HBS1L: variants seen among roughly 807,000 people sequenced by gnomAD.
HBS1L encodes HBS1 like translational GTPase.
In HBS1L, 55 loss-of-function variants were observed where a neutral mutation model predicts 88.9. The ratio of observed to expected loss-of-function variants is 0.62; its 90% CI spans 0.50 to 0.77. The LOEUF (loss-of-function observed/expected upper bound fraction) is 0.77. HBS1L is among the 30% of genes least tolerant of loss of function. The pLI, the probability that HBS1L is intolerant of heterozygous loss-of-function variation, is 0.00. For missense variants in HBS1L, 741 were observed against 829.3 expected (o/e 0.89, Z 1.31); for synonymous variants, 267 against 288.5 (o/e 0.93, Z 0.76).
Position 134,986,748 on chromosome 6 carries a change from T to G in HBS1L, c.1293A>C (p.Gln431His). 1 of 1,561,046 alleles carries G rather than the reference T, an allele frequency of 6.4e-7. No homozygotes were observed. Among genetic ancestry groups the G allele is most frequent in the Non-Finnish European group, 8.7e-7 (1 of 1,151,640 alleles). Residue 431 changes from glutamine (Q) to histidine (H), a missense_variant, in exon 10 of 18, where the codon CAA becomes CAC. This residue lies in a region of HBS1L where 556 missense variants were observed against 598.4 expected (regional missense o/e 0.93). Coordinates refer to ENST00000367837, the MANE Select transcript of HBS1L (RefSeq NM_006620.4). ...AAAATGATCTTACCTTAAAACCTGC[T>G]TGCTTAAGAAAGTGCCCAAGTTTTC... ...ITGKLGHFLK[Q>H]AGFKESDVGF...
chr6:134,988,344 C>T (rs943061845), intron 8 of HBS1L, among the ~76,000 whole-genome samples: 1 of 150,632 alleles, frequency 6.6e-6, no homozygotes, highest in African/African-American at 2.4e-5. Context: ...GCCTAGGTGA[C>T]AGAACAAGAC....
intron 2 of HBS1L, among the ~76,000 whole-genome samples, chr6:135,043,601 C>A (rs575046798): frequency 3.9e-5 from 6 of 152,236 alleles, no homozygotes; most frequent in African/African-American, 1.2e-4. Flanking sequence ...AGAAGAAAAA[C>A]GTAATGACTT....
rs547712124 is a variant in HBS1L at position 134,997,692 on chromosome 6, C to T, written c.540-36G>A. On this transcript the variant is annotated intron_variant, in intron 5 of 17. Coordinates refer to ENST00000367837, the MANE Select transcript of HBS1L (RefSeq NM_006620.4). ...CAGATAGGAAAAAAGTATTTGAAACCAACTCTATTGATGTCCTACAATGAC... is the reference window on the plus strand; with the variant it reads ...CAGATAGGAAAAAAGTATTTGAAACTAACTCTATTGATGTCCTACAATGAC... The T allele has an allele frequency of 4.7e-4, 754 of 1,591,586 alleles. 4 individuals are homozygous for T. In the South Asian group the frequency reaches 8.0e-3, roughly 17 times the overall value.
chr6:134,990,052 C>T (rs1775087353), intron 8 of HBS1L, among the ~76,000 whole-genome samples: 1 of 152,146 alleles, frequency 6.6e-6, no homozygotes, highest in South Asian at 2.1e-4. Flanking sequence ...AAATCTTTTT[C>T]TCATTAGGTT....
intron 16 of HBS1L, 41 bp from the exon 17 acceptor site, chr6:134,966,514 G>C (rs1774320773): frequency 5.5e-6 from 7 of 1,275,066 alleles, no homozygotes; most frequent in Non-Finnish European, 7.4e-6. Context: ...TATGATAGAG[G>C]TGAATAAATG....
chr6:135,013,047 T>C (rs1030574075), intron 4 of HBS1L, among the ~76,000 whole-genome samples: 1 of 152,208 alleles, frequency 6.6e-6, no homozygotes, highest in Non-Finnish European at 1.5e-5. Flanking sequence ...CACCAGCCAG[T>C]TAGGTTAGTA....
At chr6:135,034,660 T>C (rs1048738971) in intron 4 of HBS1L, among the ~76,000 whole-genome samples, 3 of 152,082 alleles carry the variant, frequency 2.0e-5, no homozygotes, top group African/African-American at 7.2e-5. Flanking sequence ...ACTAATAAAA[T>C]AACATTTTAG....
chr6:135,020,161 CAAA>C lies in HBS1L; in HGVS notation c.431-17322_431-17320del, dbSNP rs3834279. Among the ~76,000 whole-genome samples the C allele has an allele frequency of 7.8e-3, 1,120 of 142,896 alleles. 15 individuals are homozygous for C. The highest frequency in any genetic ancestry group is 0.026 in the African/African-American group (1,001 of 38,980). The allele number at this position is 142,896 out of a possible 152,430, so 93.7% of individuals were successfully genotyped here. ...TTATGAATGATTAAAAAAAACCCTC[CAAA>C]AAAAAAAAAAATCAGTGGAAGTAAC... On this transcript the variant is annotated intron_variant, in intron 4 of 17. Transcript: ENST00000367837.
chr6:134,967,985 A>T (rs1334153280), intron 16 of HBS1L, among the ~76,000 whole-genome samples: 1 of 152,154 alleles, frequency 6.6e-6, no homozygotes, highest in Non-Finnish European at 1.5e-5. Flanking sequence ...TTTAGGAGAG[A>T]GGTAAAGTAG....
Position 134,985,322 on chromosome 6 carries a change from C to T in HBS1L, c.1492+19G>A. On this transcript the variant is annotated intron_variant, in intron 12 of 17. Transcript: ENST00000367837. ...GAAAAGGGGCTATACTGAAGAAGCA[C>T]TACAAAGGTAGCACTTACCTTTGAA... 6.4e-7 allele frequency: 1 copy of T among 1,550,708 alleles called. No homozygotes were observed.
At chr6:134,968,086 C>T (rs1774368556) in intron 16 of HBS1L, among the ~76,000 whole-genome samples, 1 of 152,056 alleles carries the variant, frequency 6.6e-6, no homozygotes, top group Non-Finnish European at 1.5e-5. Flanking sequence ...CCACTAACCA[C>T]ATTTGGCCTC....
chr6:135,007,206 A>T (rs1775638432), intron 4 of HBS1L, among the ~76,000 whole-genome samples: 1 of 152,202 alleles, frequency 6.6e-6, no homozygotes, highest in African/African-American at 2.4e-5. Flanking sequence ...TCTATAGAAC[A>T]TCAAACTCAC....
chr6:135,054,732 C>A lies in HBS1L; in HGVS notation c.-41G>T, dbSNP rs370257111. ...GTTTGCCACAGCCCCTTAACTCCTTCCAAAACACTCCGCTTAGATACTGAT... is the reference window on the plus strand; with the variant it reads ...GTTTGCCACAGCCCCTTAACTCCTTACAAAACACTCCGCTTAGATACTGAT... On this transcript the variant is annotated 5_prime_UTR_variant, in exon 1 of 18. Transcript: ENST00000367837. 1.9e-6 allele frequency: 3 copies of A among 1,612,256 alleles called. No homozygotes were observed. The highest frequency in any genetic ancestry group is 2.5e-6 in the Non-Finnish European group (3 of 1,178,702).
chr6:135,034,043 G>C (rs1269427013), intron 4 of HBS1L, among the ~76,000 whole-genome samples: 1 of 151,938 alleles, frequency 6.6e-6, no homozygotes, highest in Admixed American at 6.6e-5. Context: ...AATATAGCTT[G>C]TGATTTAAAT....
At chr6:135,030,979 T>C (rs1170458232) in intron 4 of HBS1L, among the ~76,000 whole-genome samples, 1 of 152,158 alleles carries the variant, frequency 6.6e-6, no homozygotes, top group Non-Finnish European at 1.5e-5. Context: ...GCTCTCATAC[T>C]GTAAACAAAT....
At chr6:135,004,910 T>C (rs529480223) in intron 4 of HBS1L, among the ~76,000 whole-genome samples, 2 of 152,036 alleles carry the variant, frequency 1.3e-5, no homozygotes, top group African/African-American at 4.8e-5. Context: ...AGAAGAGAAG[T>C]GGTCCTAGGA....
At chr6:134,991,064 TAC>T (rs60490013) in intron 8 of HBS1L, among the ~76,000 whole-genome samples, 46,132 of 148,864 alleles carry the variant, frequency 0.31, 7,506 homozygotes, top group Non-Finnish European at 0.37. Flanking sequence ...CTCACAGACA[TAC>T]ACACACACAC....
At chr6:135,003,283 G>T (rs959180978) in intron 4 of HBS1L, among the ~76,000 whole-genome samples, 10 of 152,172 alleles carry the variant, frequency 6.6e-5, no homozygotes, top group Admixed American at 5.9e-4. Flanking sequence ...TGAACAAGTT[G>T]AGAGTCTGAA....
rs372214681 is a variant in HBS1L, at chr6:134,969,215, C to A, written c.1898+23G>T. ...AAATTGGCTTAAATTGCTTGTTTAT[C>A]ATTTCTGTATTAAAACACTCACTTA... On this transcript the variant is annotated intron_variant, in intron 16 of 17. Coordinates refer to ENST00000367837, the MANE Select transcript of HBS1L (RefSeq NM_006620.4). The A allele has an allele frequency of 5.4e-6, 8 of 1,488,272 alleles. No individual in the cohort carries two copies. In the South Asian group the frequency reaches 6.8e-5, roughly 13 times the overall value. 92.2% of individuals were successfully genotyped at this position (1,488,272 alleles called of 1,614,324 possible). A position where few individuals can be genotyped will look rare whatever the true frequency, so the allele number is the denominator to read the frequency against.
Sources: allele counts gnomAD v4.1 joint callset (sites outside exome capture counted in the v4.1 genomes callset), GRCh38; gene constraint gnomAD v4.1.1; regional missense constraint gnomAD v4.1.1; transcripts MANE v1.5; gene names NCBI Gene and HGNC (gene_info 2026-07-23, HGNC 2026-07-21).